Variants in TEX14 observed in about 807,000 individuals in gnomAD.
TEX14 encodes the protein inactive serine/threonine-protein kinase TEX14.
A neutral mutation model predicts 178.6 loss-of-function variants in TEX14; 168 were observed. The observed-to-expected ratio is 0.94, with a 90% confidence interval of 0.83 to 1.07. The LOEUF is 1.07. TEX14 is among the 50% of genes least tolerant of loss of function. The probability of loss-of-function intolerance (pLI) is 0.00; values close to 1 mark genes in which losing one functional copy is unlikely to be tolerated. For synonymous variants in TEX14, 626 were observed against 634.1 expected, an observed-to-expected ratio of 0.99 and a Z score of 0.19; for missense variants, 1,730 against 1,753.6, an observed-to-expected ratio of 0.99 and a Z score of 0.24.
At chr17:58,621,591 C>A (rs1305689913) in intron 5 of TEX14, 59 bp downstream of exon 5, 10 of 1,534,044 alleles carry the variant, frequency 6.5e-6, no homozygotes, top group Non-Finnish European at 8.8e-6. Context: ...TGCTGCAGGG[C>A]TCCCACGAGG....
chr17:58,624,731 G>C (rs943658821), intron 3 of TEX14, among the ~76,000 whole-genome samples: 1 of 152,148 alleles, frequency 6.6e-6, no homozygotes, highest in Non-Finnish European at 1.5e-5. Flanking sequence ...CTAAGATCAA[G>C]TGAGAAACTA....
At position 58,659,226 on chromosome 17, in the gene TEX14, G is replaced by GCAAACACGTCC. The variant is rs1555582263; in HGVS notation, c.-1-7225_-1-7224insGGACGTGTTTG. 4 of 194,530 alleles carry GCAAACACGTCC rather than the reference G, an allele frequency of 2.1e-5. No individual in the cohort carries two copies. In the African/African-American group the frequency reaches 2.6e-4, roughly 12 times the overall value. 12.1% of individuals were successfully genotyped at this position (194,530 alleles called of 1,614,324 possible). A position where few individuals can be genotyped will look rare whatever the true frequency, so the allele number is the denominator to read the frequency against. ...TTTCTCATTCGGGGAAATCGCGGGA[G>GCAAACACGTCC]CAAACACATAGTAAAAACCCTCCCC... On this transcript the variant is annotated intron_variant, in intron 1 of 31. Coordinates refer to ENST00000349033, the MANE Select transcript of TEX14 (RefSeq NM_031272.5).
At chr17:58,588,914 CAAAT>C (rs1466921187) in intron 15 of TEX14, among the ~76,000 whole-genome samples, 1 of 152,076 alleles carries the variant, frequency 6.6e-6, no homozygotes, top group Non-Finnish European at 1.5e-5. Context: ...AAAAAATAAA[CAAAT>C]AAAGTTTATA....
chr17:58,621,215 G>C (rs1295549526), intron 5 of TEX14, among the ~76,000 whole-genome samples: 1 of 152,166 alleles, frequency 6.6e-6, no homozygotes, highest in East Asian at 1.9e-4. Context: ...CAAGTCTCTC[G>C]TATCAGCTGA....
At chr17:58,666,584 G>A (rs1032490029) in intron 1 of TEX14, 4 of 150,328 alleles carry the variant, frequency 2.7e-5, no homozygotes, top group South Asian at 2.1e-4. Flanking sequence ...ATTATACACT[G>A]TAGTTACCCA....
chr17:58,569,041 AAATTTTGGAAAACTGCCC>A lies in TEX14; in HGVS notation c.3886+133_3886+150del. ...TTTTATTGCAAAACTGCCCCTTCCT[AAATTTTGGAAAACTGCCC>A]CTTCCTATATTCAACCAGGCCATCA... On this transcript the variant is annotated intron_variant, in intron 26 of 31. Coordinates refer to ENST00000349033, the MANE Select transcript of TEX14 (RefSeq NM_031272.5). The surrounding 1 kb of genome is among the most constrained non-coding windows in gnomAD (Gnocchi z 4.1). 1.1e-5 allele frequency: 6 copies of A among 540,644 alleles called. No individual in the cohort carries two copies. Among genetic ancestry groups the A allele is most frequent in the South Asian group, 1.1e-4 (3 of 27,894 alleles). The allele number at this position is 540,644 out of a possible 1,614,324, so 33.5% of individuals were successfully genotyped here.
chr17:58,662,846 G>A lies in TEX14; in HGVS notation c.-1-10844C>T, dbSNP rs536662958. On this transcript the variant is annotated intron_variant, in intron 1 of 31. Coordinates refer to ENST00000349033, the MANE Select transcript of TEX14 (RefSeq NM_031272.5). ...TAAAATGTCATTAATGTGACCGGGC[G>A]CGGTGGCTCACGCTTGTAATCCCAG... is the stretch of plus-strand genomic sequence containing the variant. Among the ~76,000 whole-genome samples the A allele has an allele frequency of 3.2e-3, 481 of 152,238 alleles. 4 individuals are homozygous for A. Among genetic ancestry groups the A allele is most frequent in the Non-Finnish European group, 5.4e-3 (364 of 68,004 alleles).
In TEX14 at chr17:58,652,019, C is replaced by A; in HGVS notation, c.-1-17G>T. On this transcript the variant is annotated splice_polypyrimidine_tract_variant and intron_variant, in intron 1 of 31. Transcript: ENST00000349033. ...CGAGACATCCTGTTCCAAAAGAGAGCAATATGCTTATTTTAACTGAACCAG... is the reference window on the plus strand; with the variant it reads ...CGAGACATCCTGTTCCAAAAGAGAGAAATATGCTTATTTTAACTGAACCAG... 6.7e-7 allele frequency: 1 copy of A among 1,501,898 alleles called. No individual in the cohort carries two copies. Among genetic ancestry groups the A allele is most frequent in the Non-Finnish European group, 8.9e-7 (1 of 1,124,414 alleles). The allele number at this position is 1,501,898 out of a possible 1,614,324, so 93.0% of individuals were successfully genotyped here.
chr17:58,638,203 T>C (rs778803475), intron 2 of TEX14, among the ~76,000 whole-genome samples: 2 of 152,058 alleles, frequency 1.3e-5, no homozygotes, highest in Admixed American at 1.3e-4. Flanking sequence ...GCATTGTTTC[T>C]GATGATTAAA....
chr17:58,624,633 C>T (rs534353700), intron 3 of TEX14, among the ~76,000 whole-genome samples: 39 of 152,140 alleles, frequency 2.6e-4, no homozygotes, highest in African/African-American at 8.7e-4. Context: ...TGAGCCACCG[C>T]GCCCAGCCTT....
In TEX14 at chr17:58,598,802, G is replaced by T. The variant is rs1284878611; in HGVS notation, c.2469+74C>A. The T allele has an allele frequency of 7.3e-6, 10 of 1,377,322 alleles. No homozygotes were observed. In the East Asian group the frequency reaches 1.8e-4, roughly 25 times the overall value. The allele number at this position is 1,377,322 out of a possible 1,614,324, so 85.3% of individuals were successfully genotyped here. ...CCCAGTGTTTACTTTGGAGACTTGG[G>T]TGAAAGGTTTCCAGCCACAACCATT... On this transcript the variant is annotated intron_variant, in intron 14 of 31. Transcript: ENST00000349033.
intron 1 of TEX14, among the ~76,000 whole-genome samples, chr17:58,658,408 T>G: frequency 7.5e-6 from 1 of 132,764 alleles, no homozygotes; most frequent in Non-Finnish European, 1.7e-5. Flanking sequence ...TTTTTTTTTT[T>G]TGAGACAGTC....
In TEX14 at chr17:58,578,911, T is replaced by A. The variant is rs995424126; in HGVS notation, c.3238+754A>T. Among the ~76,000 whole-genome samples the A allele has an allele frequency of 2.6e-5, 4 of 152,374 alleles. No individual in the cohort carries two copies. In the East Asian group the frequency reaches 7.7e-4, roughly 29 times the overall value. On this transcript the variant is annotated intron_variant, in intron 20 of 31. Transcript: ENST00000349033. ...GTTCATAACACTACGCTGTTTGGGT[T>A]TAGACGGTTGAGACATGACCATGGA...
intron 19 of TEX14, among the ~76,000 whole-genome samples, chr17:58,582,667 G>GA (rs2044851939): frequency 6.6e-6 from 1 of 151,076 alleles, no homozygotes; most frequent in Non-Finnish European, 1.5e-5. Flanking sequence ...GGGTCCCAGT[G>GA]ATTCTCCTGC....
intron 11 of TEX14, among the ~76,000 whole-genome samples, chr17:58,603,455 C>T (rs1471617001): frequency 1.3e-5 from 2 of 149,438 alleles, no homozygotes; most frequent in East Asian, 2.0e-4. Flanking sequence ...TCTGGGAGGC[C>T]GAGGCAGGAG....
rs1219379846 is a variant in TEX14 at position 58,641,825 on chromosome 17, A to C, written c.136+10041T>G. On this transcript the variant is annotated intron_variant, in intron 2 of 31. Coordinates refer to ENST00000349033, the MANE Select transcript of TEX14 (RefSeq NM_031272.5). ...GCCCAGCCAAGTGATAGATGTTTTA[A>C]TCCATTATCTCATTTAATCCTTTAA... is the stretch of plus-strand genomic sequence containing the variant. 2.6e-5 allele frequency among the ~76,000 whole-genome samples: 4 copies of C among 152,202 alleles called. No individual in the cohort carries two copies. In the South Asian group the frequency reaches 8.3e-4, roughly 32 times the overall value.
At chr17:58,666,700 G>A (rs576650085) in intron 1 of TEX14, 3 of 152,214 alleles carry the variant, frequency 2.0e-5, no homozygotes, top group African/African-American at 7.2e-5. Context: ...GTAATTATGA[G>A]GTACTTGCGT....
rs2045459100 is a variant in TEX14, at chr17:58,601,885, A to G, written c.1599T>C (p.Asp533=). Residue 533 remains aspartate, a synonymous_variant, in exon 13 of 32, where the codon GAT becomes GAC. Transcript: ENST00000349033. ...AAGTCAGTCCTAGATAGACATTGAC[A>G]TCGGGATGGAGTCCGTATCTCTGCA... ...PRVQRYGLHP[D]VNVYLGLTSE... is the part of the protein sequence containing the mutation. The G allele has an allele frequency of 6.2e-7, 1 of 1,613,422 alleles. No individual in the cohort carries two copies. Among genetic ancestry groups the G allele is most frequent in the African/African-American group, 1.3e-5 (1 of 74,966 alleles).
chr17:58,616,099 C>T, intron 7 of TEX14, 76 bp downstream of exon 7: 2 of 1,487,138 alleles, frequency 1.3e-6, no homozygotes, highest in South Asian at 1.3e-5. Context: ...AAACTCCCCA[C>T]ACATAAGGAA....
Sources: allele counts gnomAD v4.1 joint callset (sites outside exome capture counted in the v4.1 genomes callset), GRCh38; gene constraint gnomAD v4.1.1; non-coding constraint Gnocchi (gnomAD v3.1); transcripts MANE v1.5; gene names NCBI Gene and HGNC (gene_info 2026-07-23, HGNC 2026-07-21).